SUMF1: variants seen among roughly 807,000 people sequenced by gnomAD.
SUMF1 encodes formylglycine-generating enzyme.
A neutral mutation model predicts 47.6 loss-of-function variants in SUMF1; 48 were observed. The ratio of observed to expected loss-of-function variants is 1.01; its 90% confidence interval spans 0.80 to 1.28. SUMF1 has a LOEUF of 1.28. Among genes scored for constraint, SUMF1 ranks in the 50% most tolerant of loss-of-function variants. The pLI, the probability that SUMF1 is intolerant of heterozygous loss-of-function variation, is 0.00. For missense variants in SUMF1, 571 were observed against 485.4 expected (o/e 1.18, Z -1.66); for synonymous variants, 230 against 192.1 (o/e 1.20, Z -1.63).
chr3:4,362,334 C>T (rs1231396186), intron 8 of SUMF1, 80 bp from the exon 9 acceptor site: 28 of 1,158,996 alleles, frequency 2.4e-5, no homozygotes, highest in East Asian at 1.4e-4. Context: ...CATATTGCAC[C>T]GGCTGTAGAC....
chr3:4,221,946 T>C, intron 8 of SUMF1, among the ~76,000 whole-genome samples: 1 of 144,052 alleles, frequency 6.9e-6, no homozygotes, highest in East Asian at 1.9e-4. Flanking sequence ...TATCCTCTGA[T>C]TTTTTTTTGC....
intron 3 of SUMF1, among the ~76,000 whole-genome samples, chr3:4,445,923 G>T (rs775214896): frequency 2.6e-5 from 4 of 152,148 alleles, no homozygotes; most frequent in Non-Finnish European, 4.4e-5. Flanking sequence ...CACTGCATGA[G>T]AACATATAAT....
In SUMF1 at chr3:4,391,929, G is replaced by A. The variant is rs906251892; in HGVS notation, c.955-15540C>T. ...CACAGCCTCAACCTCCCTAGGTTCA[G>A]GTGATCCTGCCACCTCAGCGTCCCA... On this transcript the variant is annotated intron_variant, in intron 7 of 8. Transcript: ENST00000272902. Among the ~76,000 whole-genome samples the A allele has an allele frequency of 1.7e-4, 26 of 151,806 alleles. 1 individual carries two copies. The highest frequency in any genetic ancestry group is 5.8e-4 in the African/African-American group (24 of 41,368).
chr3:4,314,724 G>C (rs1271776856), intron 8 of SUMF1, among the ~76,000 whole-genome samples: 1 of 152,166 alleles, frequency 6.6e-6, no homozygotes, highest in East Asian at 1.9e-4. Flanking sequence ...TAAACTTCTA[G>C]AGCAGCAAAC....
chr3:4,052,736 T>C (rs1255886250), intron 9 of SUMF1, among the ~76,000 whole-genome samples: 1 of 152,212 alleles, frequency 6.6e-6, no homozygotes, highest in Non-Finnish European at 1.5e-5. Context: ...CAGGTATACC[T>C]TGGACATATT....
intron 8 of SUMF1, among the ~76,000 whole-genome samples, chr3:4,275,670 A>T (rs1434111666): frequency 6.6e-6 from 1 of 152,200 alleles, no homozygotes; most frequent in Non-Finnish European, 1.5e-5. Context: ...CTCCCAAAGT[A>T]CTTAGCTCTG....
At chr3:4,335,960 C>CAAAAAAAACAAAAAAAAA (rs5846319) in intron 8 of SUMF1, among the ~76,000 whole-genome samples, 21 of 73,898 alleles carry the variant, frequency 2.8e-4, no homozygotes, top group African/African-American at 4.3e-4. Context: ...GATTCCAACT[C>CAAAAAAAACAAAAAAAAA]AAAAAAAAAA....
chr3:4,185,528 C>T (rs1448819142), intron 8 of SUMF1, among the ~76,000 whole-genome samples: 1 of 152,172 alleles, frequency 6.6e-6, no homozygotes, highest in African/African-American at 2.4e-5. Flanking sequence ...AGCCTTGGAT[C>T]TAGCAGACAG....
At chr3:4,348,678 A>G (rs1407386480) in intron 8 of SUMF1, among the ~76,000 whole-genome samples, 3 of 151,742 alleles carry the variant, frequency 2.0e-5, no homozygotes, top group African/African-American at 7.3e-5. Flanking sequence ...CAGCCTGACC[A>G]ACATGCAGAA....
intron 2 of SUMF1, among the ~76,000 whole-genome samples, chr3:4,450,690 C>T (rs1702940306): frequency 6.6e-6 from 1 of 152,152 alleles, no homozygotes; most frequent in South Asian, 2.1e-4. Flanking sequence ...TATAACTTTA[C>T]TACACCTTGT....
At chr3:4,368,730 C>G (rs1700069864) in intron 8 of SUMF1, among the ~76,000 whole-genome samples, 2 of 152,294 alleles carry the variant, frequency 1.3e-5, no homozygotes, top group African/African-American at 4.8e-5. Flanking sequence ...ATAAGAGAGC[C>G]TAACGCACAT....
intron 8 of SUMF1, among the ~76,000 whole-genome samples, chr3:4,177,826 CAAAT>C (rs892611636): frequency 2.4e-4 from 36 of 152,088 alleles, no homozygotes; most frequent in Admixed American, 2.2e-3. Flanking sequence ...AGAGAAGAAT[CAAAT>C]AGATGAAATA....
At chr3:4,400,654 T>G (rs1024034013) in intron 7 of SUMF1, among the ~76,000 whole-genome samples, 3 of 152,162 alleles carry the variant, frequency 2.0e-5, no homozygotes, top group African/African-American at 7.2e-5. Context: ...TGCTGTGTGG[T>G]GGGCACAGTG....
intron 8 of SUMF1, among the ~76,000 whole-genome samples, chr3:4,203,393 A>G (rs1403603562): frequency 6.6e-6 from 1 of 151,950 alleles, no homozygotes; most frequent in Non-Finnish European, 1.5e-5. Flanking sequence ...TGTAATATAA[A>G]TATAGCTACT....
At chr3:4,338,746 T>C (rs1417259245) in intron 8 of SUMF1, among the ~76,000 whole-genome samples, 2 of 152,110 alleles carry the variant, frequency 1.3e-5, no homozygotes, top group African/African-American at 4.8e-5. Flanking sequence ...GAGTCTCATA[T>C]GTATACCTAG....
chr3:4,451,840 T>C (rs559225621), intron 2 of SUMF1, among the ~76,000 whole-genome samples: 26 of 152,238 alleles, frequency 1.7e-4, no homozygotes, highest in African/African-American at 5.8e-4. Context: ...CCCGCCACCA[T>C]GCCCGGCTAA....
chr3:4,041,841 C>T (rs530953518), intron 9 of SUMF1, among the ~76,000 whole-genome samples: 63 of 152,252 alleles, frequency 4.1e-4, no homozygotes, highest in African/African-American at 1.4e-3. Flanking sequence ...AAACCGGCAG[C>T]ACAGCTTTTT....
rs1385347605 is a variant in SUMF1, at chr3:4,420,149, C to G, written c.520-3G>C. ...AACCACCAGGGAGCAGCTGCAACCT[C>G]AAAGCAACCCAGAACAGGCTGATGT... On this transcript the variant is annotated splice_polypyrimidine_tract_variant and splice_region_variant and intron_variant, in intron 3 of 8. Transcript: ENST00000272902. 1.2e-6 allele frequency: 2 copies of G among 1,613,700 alleles called. No individual in the cohort carries two copies. The highest frequency in any genetic ancestry group is 1.3e-5 in the African/African-American group (1 of 74,976).
intron 8 of SUMF1, among the ~76,000 whole-genome samples, chr3:4,263,011 G>A (rs1697118138): frequency 6.6e-6 from 1 of 152,064 alleles, no homozygotes; most frequent in Non-Finnish European, 1.5e-5. Context: ...TTTCTCCTCT[G>A]TTTCCAAACT....
Sources: allele counts gnomAD v4.1 joint callset (sites outside exome capture counted in the v4.1 genomes callset), GRCh38; gene constraint gnomAD v4.1.1; transcripts MANE v1.5; gene names NCBI Gene and HGNC (gene_info 2026-07-23, HGNC 2026-07-21).